PCDHGA1: variants seen among roughly 807,000 people sequenced by gnomAD.
The protein encoded by PCDHGA1 is protocadherin gamma subfamily A, 1.
Under a neutral mutation model 58.0 loss-of-function variants are expected in PCDHGA1, and 32 were observed. That is an observed-to-expected ratio of 0.55 (90% CI 0.42 to 0.74). PCDHGA1 has a LOEUF of 0.74. Among genes scored for constraint, PCDHGA1 ranks in the 30% least tolerant of loss-of-function variants. The pLI is 0.00. For missense variants in PCDHGA1, 1,205 were observed against 1,182.3 expected (o/e 1.02, Z -0.28); for synonymous variants, 498 against 501.1 (o/e 0.99, Z 0.08).
At position 141,340,890 on chromosome 5, in the gene PCDHGA1, A is replaced by G. The variant is rs1464950606; in HGVS notation, c.2421+7785A>G. ...CTGCTGGACAGAGACGCGCTCAAGC[A>G]GAGCCTCGTGGTGGCCATCCAGGAC... On this transcript the variant is annotated intron_variant, in intron 1 of 3. Coordinates refer to ENST00000517417, the MANE Select transcript of PCDHGA1 (RefSeq NM_018912.3). 4.3e-6 allele frequency: 7 copies of G among 1,613,708 alleles called. No individual in the cohort carries two copies. In the African/African-American group the frequency reaches 9.3e-5, roughly 22 times the overall value.
At chr5:141,509,310 G>A (rs1223508453) in intron 3 of PCDHGA1, among the ~76,000 whole-genome samples, 2 of 152,174 alleles carry the variant, frequency 1.3e-5, no homozygotes, top group Non-Finnish European at 1.5e-5. Flanking sequence ...GAGGGAGGCT[G>A]GGAGAGAAGC....
rs773893751 is a variant in PCDHGA1 at position 141,431,903 on chromosome 5, G to A, written c.2422-62904G>A. 2 of 1,613,916 alleles carry A rather than the reference G, an allele frequency of 1.2e-6. No individual in the cohort carries two copies. Among genetic ancestry groups the A allele is most frequent in the South Asian group, 2.2e-5 (2 of 91,080 alleles). ...CCAAGATTCTGAGGAAAACGGACAG[G>A]TGATCTGTTTCATCCAAGGAAATCT... On this transcript the variant is annotated intron_variant, in intron 1 of 3. Transcript: ENST00000517417. The surrounding 1 kb of genome is among the most constrained non-coding windows in gnomAD (Gnocchi z 4.8).
Position 141,510,968 on chromosome 5 carries a change from C to A in PCDHGA1, c.2591C>A (p.Thr864Asn). 1 of 1,614,150 alleles carries A rather than the reference C, an allele frequency of 6.2e-7. No individual in the cohort carries two copies. The highest frequency in any genetic ancestry group is 8.5e-7 in the Non-Finnish European group (1 of 1,180,014). The change falls in exon 4 of 4, where the codon ACC becomes AAC. Residue 864 changes from threonine (T) to asparagine (N), a missense_variant. Transcript: ENST00000517417. ...SASEAADGSS[T>N]LGGGAGTMGL... ...GCAGAAGCTGCTGATGGGAGCTCCA[C>A]CCTGGGAGGGGGTGCCGGCACCATG...
In PCDHGA1 at chr5:141,349,050, C is replaced by T. The variant is rs1040330832; in HGVS notation, c.2421+15945C>T. Among the ~76,000 whole-genome samples, 9 of 152,012 alleles carry T rather than the reference C, an allele frequency of 5.9e-5. No homozygotes were observed. The East Asian group carries it at 9.7e-4, about 16-fold the overall frequency. On this transcript the variant is annotated intron_variant, in intron 1 of 3. Transcript: ENST00000517417. ...CGTTTTGCTCATTAATGGTATAAGT[C>T]GGCTGGAGCTGAGAATTGGCATTAT...
chr5:141,405,410 TTTTTGTTTTTTG>T lies in PCDHGA1; in HGVS notation c.2421+72315_2421+72326del, dbSNP rs1345529499. 4 of 1,557,296 alleles carry T rather than the reference TTTTTGTTTTTTG, an allele frequency of 2.6e-6. No individual in the cohort carries two copies. In the South Asian group the frequency reaches 4.6e-5, roughly 18 times the overall value. ...ATTTTTTTTCTTTCTTTCTTTTCTT[TTTTTGTTTTTTG>T]TTTTGTTTTGTTTTTGAGACAGAGT... On this transcript the variant is annotated intron_variant, in intron 1 of 3. Transcript: ENST00000517417.
At chr5:141,450,608 T>A (rs916441293) in intron 1 of PCDHGA1, among the ~76,000 whole-genome samples, 1 of 151,894 alleles carries the variant, frequency 6.6e-6, no homozygotes, top group East Asian at 1.9e-4. Flanking sequence ...TGCCTCAGCC[T>A]CCTGAGTAGC....
At chr5:141,356,628 T>G (rs570306240) in intron 1 of PCDHGA1, 1 of 1,614,104 alleles carries the variant, frequency 6.2e-7, no homozygotes, top group African/African-American at 1.3e-5. Context: ...CTATGACTGC[T>G]CAAGACCCTG....
chr5:141,445,786 C>A (rs1189294394), intron 1 of PCDHGA1, among the ~76,000 whole-genome samples: 2 of 152,018 alleles, frequency 1.3e-5, no homozygotes, highest in Non-Finnish European at 2.9e-5. Flanking sequence ...GCTAGGGAGG[C>A]TAGAAACAGA....
chr5:141,392,570 AG>A (rs1561637414), intron 1 of PCDHGA1: 1 of 443,018 alleles, frequency 2.3e-6, no homozygotes, highest in East Asian at 3.6e-5. Context: ...GTAACTATTT[AG>A]GACTGTAAGC....
chr5:141,490,243 G>A lies in PCDHGA1; in HGVS notation c.2422-4564G>A, dbSNP rs1431165990. 1 of 1,614,238 alleles carries A rather than the reference G, an allele frequency of 6.2e-7. No individual in the cohort carries two copies. The highest frequency in any genetic ancestry group is 8.5e-7 in the Non-Finnish European group (1 of 1,180,038). The stretch of plus-strand genomic sequence containing the variant: ...ACAGCCTGCCATGGAGGGCCACTGT[G>A]TGATTCAAGTGGATGTGGGGGATGT... On this transcript the variant is annotated intron_variant, in intron 1 of 3. Coordinates refer to ENST00000517417, the MANE Select transcript of PCDHGA1 (RefSeq NM_018912.3). This position sits in a 1 kb window ranked among gnomAD's most constrained non-coding sequence, Gnocchi z 5.4.
Position 141,330,517 on chromosome 5 carries a change from C to T in PCDHGA1, c.-168C>T, listed in dbSNP as rs1424941278. On this transcript the variant is annotated 5_prime_UTR_variant, in exon 1 of 4. Transcript: ENST00000517417. Reference sequence around the variant, plus strand: ...AAAAAAGCTCTCGTGCCTCTTAGAACCTCCATAACCGCCAGATTGAAAACT... The same window carrying T: ...AAAAAAGCTCTCGTGCCTCTTAGAATCTCCATAACCGCCAGATTGAAAACT... 1 of 626,584 alleles carries T rather than the reference C, an allele frequency of 1.6e-6. No homozygotes were observed. The allele number at this position is 626,584 out of a possible 1,614,324, so 38.8% of individuals were successfully genotyped here.
intron 1 of PCDHGA1, chr5:141,414,330 G>T: frequency 6.2e-7 from 1 of 1,613,714 alleles, no homozygotes; most frequent in Non-Finnish European, 8.5e-7. Flanking sequence ...AGAATGGACA[G>T]GTAACCTGTT....
chr5:141,483,870 G>C (rs548525439), intron 1 of PCDHGA1, among the ~76,000 whole-genome samples: 9 of 152,142 alleles, frequency 5.9e-5, no homozygotes, highest in Non-Finnish European at 1.3e-4. Context: ...TCCAGATCAG[G>C]ATGGATTTTT....
intron 1 of PCDHGA1, among the ~76,000 whole-genome samples, chr5:141,443,521 T>A (rs2098392520): frequency 6.6e-6 from 1 of 152,156 alleles, no homozygotes; most frequent in Admixed American, 6.6e-5. Context: ...TCTCTCCTTA[T>A]GACTTATTTA....
At chr5:141,357,644 C>A in intron 1 of PCDHGA1, 4 of 1,610,538 alleles carry the variant, frequency 2.5e-6, no homozygotes, top group Non-Finnish European at 2.5e-6. Flanking sequence ...TATAATAGAT[C>A]ATACCACACT....
Position 141,383,203 on chromosome 5 carries a change from T to A in PCDHGA1, c.2421+50098T>A, listed in dbSNP as rs755782697. The A allele has an allele frequency of 2.5e-6, 4 of 1,613,936 alleles. No homozygotes were observed. The highest frequency in any genetic ancestry group is 3.3e-5 in the Admixed American group (2 of 60,008). On this transcript the variant is annotated intron_variant, in intron 1 of 3. Coordinates refer to ENST00000517417, the MANE Select transcript of PCDHGA1 (RefSeq NM_018912.3). ...AGAGATCTGCGCTCAGAGTGCGCGGTGTCTGGTAAACTTTAACATCCTGAT... is the reference window on the plus strand; with the variant it reads ...AGAGATCTGCGCTCAGAGTGCGCGGAGTCTGGTAAACTTTAACATCCTGAT...
intron 1 of PCDHGA1, chr5:141,375,792 A>G: frequency 6.2e-7 from 1 of 1,614,190 alleles, no homozygotes; most frequent in Non-Finnish European, 8.5e-7. Flanking sequence ...CTCCCCACAG[A>G]CGGTTCCACT....
intron 1 of PCDHGA1, chr5:141,371,408 A>G (rs1767731278): frequency 6.2e-7 from 1 of 1,614,038 alleles, no homozygotes; most frequent in Admixed American, 1.7e-5. Flanking sequence ...TAGATATTTC[A>G]GATGAAAATG....
In PCDHGA1 at chr5:141,356,579, A is replaced by G. The variant is rs115115119; in HGVS notation, c.2421+23474A>G. 2,835 of 1,614,150 alleles carry G rather than the reference A, an allele frequency of 1.8e-3. 35 individuals carry two copies. The African/African-American group carries it at 0.03, about 17-fold the overall frequency. Reference sequence around the variant, plus strand: ...TTCCCTCATGCTTCCTACTCTGCTTACATTCCTGAAAACAACCCCAGAGGA... The same window carrying G: ...TTCCCTCATGCTTCCTACTCTGCTTGCATTCCTGAAAACAACCCCAGAGGA... On this transcript the variant is annotated intron_variant, in intron 1 of 3. Coordinates refer to ENST00000517417, the MANE Select transcript of PCDHGA1 (RefSeq NM_018912.3).
Sources: allele counts gnomAD v4.1 joint callset (sites outside exome capture counted in the v4.1 genomes callset), GRCh38; gene constraint gnomAD v4.1.1; non-coding constraint Gnocchi (gnomAD v3.1); transcripts MANE v1.5; gene names NCBI Gene and HGNC (gene_info 2026-07-23, HGNC 2026-07-21).